The following APBA2 variants were observed in gnomAD, a reference collection of about 807,000 sequenced individuals.
APBA2 encodes amyloid beta precursor protein binding family A member 2.
APBA2 carries 30 observed loss-of-function variants against 75.0 expected under a neutral mutation model. The observed-to-expected ratio is 0.40, with a 90% CI of 0.30 to 0.54. APBA2 has a LOEUF of 0.54. APBA2 is among the 20% of genes least tolerant of loss of function. The probability of loss-of-function intolerance (pLI) is 0.49; values close to 1 mark genes in which losing one functional copy is unlikely to be tolerated. For synonymous variants in APBA2, 444 were observed against 409.6 expected (o/e 1.08, Z -1.01); for missense variants, 801 against 1,016.1 (o/e 0.79, Z 2.88).
chr15:28,939,529 A>AT (rs952697162), intron 2 of APBA2, among the ~76,000 whole-genome samples: 75 of 151,944 alleles, frequency 4.9e-4, no homozygotes, highest in African/African-American at 1.6e-3. Flanking sequence ...TTGTGTTTTC[A>AT]TTTTTTTTGT....
chr15:28,994,700 G>A (rs1042539767), intron 2 of APBA2, among the ~76,000 whole-genome samples: 17 of 152,204 alleles, frequency 1.1e-4, no homozygotes, highest in African/African-American at 4.1e-4. Flanking sequence ...CCTAGGAAGT[G>A]AGAGCAACTG....
chr15:28,982,581 A>G (rs542229907), intron 2 of APBA2, among the ~76,000 whole-genome samples: 1 of 152,310 alleles, frequency 6.6e-6, no homozygotes, highest in East Asian at 1.9e-4. Flanking sequence ...GATGATATAT[A>G]TTTCTGCTTT....
chr15:29,113,073 A>G (rs552055910), intron 13 of APBA2, among the ~76,000 whole-genome samples: 3 of 152,184 alleles, frequency 2.0e-5, no homozygotes, highest in Non-Finnish European at 2.9e-5. Flanking sequence ...CTGCAGGCCT[A>G]GAGCACATTC....
chr15:29,109,395 G>A (rs564855318), intron 13 of APBA2, among the ~76,000 whole-genome samples: 3 of 152,270 alleles, frequency 2.0e-5, no homozygotes, highest in Non-Finnish European at 2.9e-5. Flanking sequence ...TCCATATACT[G>A]AGAGCTTATT....
chr15:28,944,610 T>C (rs2035436242), intron 2 of APBA2, among the ~76,000 whole-genome samples: 1 of 152,230 alleles, frequency 6.6e-6, no homozygotes, highest in South Asian at 2.1e-4. Context: ...CAGGAGAACC[T>C]GTGCCTTTTA....
intron 3 of APBA2, among the ~76,000 whole-genome samples, chr15:28,998,903 T>C (rs1182896127): frequency 6.6e-6 from 1 of 152,174 alleles, no homozygotes; most frequent in African/African-American, 2.4e-5. Flanking sequence ...TCCCAGCATT[T>C]TGGGAGGCCG....
rs71414600 is a variant in APBA2, at chr15:28,951,881, CTTTTTTTTTTT to C, written c.-95+30148_-95+30158del. 2.9e-4 allele frequency among the ~76,000 whole-genome samples: 32 copies of C among 109,824 alleles called. 1 individual carries two copies. The highest frequency in any genetic ancestry group is 1.7e-3 in the East Asian group (6 of 3,634). 72.0% of individuals were successfully genotyped at this position (109,824 alleles called of 152,430 possible). On this transcript the variant is annotated intron_variant, in intron 2 of 14. Transcript: ENST00000683413. ...CAGGCGTGAGCCCACTGCACTCAGC[CTTTTTTTTTTT>C]TTTTTTTTTTTTTTTAAGACAGAGT... is the stretch of plus-strand genomic sequence containing the variant.
intron 1 of APBA2, among the ~76,000 whole-genome samples, chr15:28,888,533 C>T (rs2031910966): frequency 1.3e-5 from 2 of 152,186 alleles, no homozygotes; most frequent in Non-Finnish European, 2.9e-5. Flanking sequence ...ATACCTGCCC[C>T]GGTGACTCAA....
At chr15:28,948,424 A>T (rs2035666572) in intron 2 of APBA2, among the ~76,000 whole-genome samples, 2 of 151,686 alleles carry the variant, frequency 1.3e-5, no homozygotes, top group South Asian at 4.2e-4. Context: ...AGACTGAGGT[A>T]AAGTCCCCTT....
rs74538858 is a variant in APBA2 at position 28,918,426 on chromosome 15, C to A, written c.-204-3214C>A. Among the ~76,000 whole-genome samples, 2 of 152,100 alleles carry A rather than the reference C, an allele frequency of 1.3e-5. No homozygotes were observed. The highest frequency in any genetic ancestry group is 2.9e-5 in the Non-Finnish European group (2 of 68,016). On this transcript the variant is annotated intron_variant, in intron 1 of 14. Transcript: ENST00000683413. This position sits in a 1 kb window ranked among gnomAD's most constrained non-coding sequence, Gnocchi z 4.2. ...GATGCGCAACGCCCCCTCCAGGCCC[C>A]GAGTCCCTGTCCTTGGAGGAAGCAG...
At chr15:28,894,541 C>A (rs1280251822) in intron 1 of APBA2, among the ~76,000 whole-genome samples, 5 of 152,124 alleles carry the variant, frequency 3.3e-5, no homozygotes, top group Non-Finnish European at 7.4e-5. Flanking sequence ...AAGAGCCCTC[C>A]AGGCAAAGGG....
chr15:29,031,137 G>C (rs988091829), intron 3 of APBA2, among the ~76,000 whole-genome samples: 1 of 151,624 alleles, frequency 6.6e-6, no homozygotes, highest in Non-Finnish European at 1.5e-5. Flanking sequence ...AGCAGTCTTC[G>C]TGCCATTTTT....
chr15:28,968,715 A>C (rs2036872895), intron 2 of APBA2, among the ~76,000 whole-genome samples: 1 of 152,110 alleles, frequency 6.6e-6, no homozygotes, highest in Admixed American at 6.5e-5. Context: ...CCTTATTTGG[A>C]GAAATGGTCT....
At chr15:29,096,418 C>T (rs2043853975) in intron 8 of APBA2, among the ~76,000 whole-genome samples, 1 of 152,250 alleles carries the variant, frequency 6.6e-6, no homozygotes, top group Non-Finnish European at 1.5e-5. Context: ...CCAAGGTCCA[C>T]CTGCAACTTT....
intron 1 of APBA2, among the ~76,000 whole-genome samples, chr15:28,894,968 C>G (rs2032378444): frequency 6.6e-6 from 1 of 152,062 alleles, no homozygotes; most frequent in African/African-American, 2.4e-5. Flanking sequence ...GGCTCCAGAG[C>G]CCGCTCCCTA....
intron 2 of APBA2, among the ~76,000 whole-genome samples, chr15:28,969,907 C>T (rs1264287730): frequency 6.6e-6 from 1 of 152,260 alleles, no homozygotes. Context: ...CTGCCAGCTG[C>T]TCACAGGCCA....
intron 14 of APBA2, among the ~76,000 whole-genome samples, chr15:29,114,238 G>A (rs1212960866): frequency 6.6e-6 from 1 of 152,240 alleles, no homozygotes; most frequent in African/African-American, 2.4e-5. Flanking sequence ...AGGCTGCTGG[G>A]GGTGCTCCCT....
intron 2 of APBA2, among the ~76,000 whole-genome samples, chr15:28,955,711 G>C (rs7169974): frequency 0.047 from 7,082 of 152,020 alleles, 590 homozygotes; most frequent in African/African-American, 0.16. Context: ...AGGAACATAT[G>C]AGTGATTTGC....
chr15:29,113,319 T>C (rs1239587249), intron 13 of APBA2, among the ~76,000 whole-genome samples: 2 of 151,794 alleles, frequency 1.3e-5, no homozygotes, highest in Non-Finnish European at 2.9e-5. Flanking sequence ...AGAACCAGTA[T>C]ATTTGGCACA....
Sources: gnomAD v4.1 joint callset for allele counts (sites outside exome capture counted in the v4.1 genomes callset) on GRCh38, gnomAD v4.1.1 for gene constraint, Gnocchi (gnomAD v3.1) non-coding constraint, MANE v1.5 for transcripts, NCBI Gene and HGNC (gene_info 2026-07-23, HGNC 2026-07-21) for gene names.